The following CDH12 variants were observed in gnomAD, a reference collection of about 807,000 sequenced individuals.
CDH12 encodes the protein cadherin-12.
Under a neutral mutation model 74.1 loss-of-function variants are expected in CDH12, and 41 were observed. The ratio of observed to expected loss-of-function variants is 0.55; its 90% confidence interval spans 0.43 to 0.72. The LOEUF (loss-of-function observed/expected upper bound fraction) is 0.72, where lower values mean the gene tolerates loss of function less well. Among genes scored for constraint, CDH12 ranks in the 30% least tolerant of loss-of-function variants. The probability of loss-of-function intolerance (pLI) is 0.00; values close to 1 mark genes in which losing one functional copy is unlikely to be tolerated. For synonymous variants in CDH12, 399 were observed against 355.0 expected, an observed-to-expected ratio of 1.12 and a Z score of -1.39; for missense variants, 945 against 977.2, an observed-to-expected ratio of 0.97 and a Z score of 0.44.
At chr5:22,203,495 C>T (rs1751035879) in intron 4 of CDH12, among the ~76,000 whole-genome samples, 1 of 152,150 alleles carries the variant, frequency 6.6e-6, no homozygotes. Flanking sequence ...CACTCATCTG[C>T]TGATGGACAC....
At chr5:21,969,066 C>T (rs1756715186) in intron 6 of CDH12, among the ~76,000 whole-genome samples, 1 of 151,282 alleles carries the variant, frequency 6.6e-6, no homozygotes, top group Middle Eastern at 3.2e-3. Context: ...ATAGGTGCAG[C>T]AAACCACCCT....
intron 1 of CDH12, among the ~76,000 whole-genome samples, chr5:22,517,627 A>T (rs1056325871): frequency 6.6e-6 from 1 of 152,124 alleles, no homozygotes; most frequent in African/African-American, 2.4e-5. Flanking sequence ...TCTCTGGAGA[A>T]CTCTGACTAA....
intron 1 of CDH12, among the ~76,000 whole-genome samples, chr5:22,579,270 T>C (rs1378356049): frequency 2.0e-5 from 3 of 152,140 alleles, no homozygotes; most frequent in Non-Finnish European, 4.4e-5. Flanking sequence ...TAATGATAAA[T>C]TTTAAAAATG....
chr5:22,064,908 A>G (rs921456542), intron 5 of CDH12, among the ~76,000 whole-genome samples: 1 of 152,196 alleles, frequency 6.6e-6, no homozygotes, highest in Non-Finnish European at 1.5e-5. Context: ...AATACAAGAA[A>G]AATTGAGTTC....
chr5:22,516,511 G>A (rs557117485), intron 1 of CDH12, among the ~76,000 whole-genome samples: 1 of 152,070 alleles, frequency 6.6e-6, no homozygotes, highest in Non-Finnish European at 1.5e-5. Context: ...GTTAATAAAA[G>A]TGGCTGGGTG....
intron 3 of CDH12, among the ~76,000 whole-genome samples, chr5:22,354,906 AATCAC>A (rs1472339285): frequency 1.3e-5 from 2 of 152,312 alleles, no homozygotes; most frequent in East Asian, 3.9e-4. Flanking sequence ...ATGCAGGTTT[AATCAC>A]ATCACCATTT....
At chr5:22,163,312 AATAC>A (rs1748473742) in intron 4 of CDH12, among the ~76,000 whole-genome samples, 1 of 152,244 alleles carries the variant, frequency 6.6e-6, no homozygotes, top group Admixed American at 6.5e-5. Flanking sequence ...ACCACTTCCA[AATAC>A]ATATTTCCAG....
chr5:22,154,149 T>C (rs1457443743), intron 4 of CDH12, among the ~76,000 whole-genome samples: 3 of 150,472 alleles, frequency 2.0e-5, no homozygotes, highest in Non-Finnish European at 3.0e-5. Flanking sequence ...TACACTGTGA[T>C]GTTTTGATAT....
At chr5:22,473,221 A>G (rs1746039373) in intron 2 of CDH12, among the ~76,000 whole-genome samples, 1 of 152,076 alleles carries the variant, frequency 6.6e-6, no homozygotes, top group African/African-American at 2.4e-5. Context: ...TTTATTAAAA[A>G]GCCTTTCCCG....
At chr5:22,161,534 C>CATAATA (rs748601549) in intron 4 of CDH12, among the ~76,000 whole-genome samples, 4 of 151,120 alleles carry the variant, frequency 2.6e-5, no homozygotes, top group Non-Finnish European at 4.4e-5. Context: ...CTGTCTGTAT[C>CATAATA]ATAATAATAA....
intron 6 of CDH12, among the ~76,000 whole-genome samples, chr5:21,912,399 T>C (rs548397558): frequency 1.3e-5 from 2 of 152,114 alleles, no homozygotes; most frequent in East Asian, 1.9e-4. Context: ...AGTCCTTACA[T>C]AATGAGATTT....
intron 6 of CDH12, among the ~76,000 whole-genome samples, chr5:21,921,620 C>G (rs1316106279): frequency 6.6e-6 from 1 of 152,082 alleles, no homozygotes; most frequent in Non-Finnish European, 1.5e-5. Context: ...GGAGTCAGTC[C>G]AATGATCAGA....
intron 6 of CDH12, among the ~76,000 whole-genome samples, chr5:21,880,165 C>T (rs892344388): frequency 2.0e-5 from 3 of 152,150 alleles, no homozygotes; most frequent in East Asian, 1.9e-4. Flanking sequence ...GAGGGTTCAC[C>T]GACTTGGAAG....
At chr5:22,069,970 T>C (rs1269789199) in intron 5 of CDH12, among the ~76,000 whole-genome samples, 1 of 152,116 alleles carries the variant, frequency 6.6e-6, no homozygotes, top group Non-Finnish European at 1.5e-5. Context: ...GCAAAGGTAA[T>C]ACAAAATCAG....
chr5:22,777,601 T>G (rs185470956), intron 1 of CDH12, among the ~76,000 whole-genome samples: 19 of 152,128 alleles, frequency 1.2e-4, no homozygotes, highest in Admixed American at 1.2e-3. Context: ...GCTCTGTGTA[T>G]GTATGTGTGT....
intron 5 of CDH12, among the ~76,000 whole-genome samples, chr5:22,049,148 T>A (rs1317543417): frequency 6.6e-6 from 1 of 152,084 alleles, no homozygotes; most frequent in Non-Finnish European, 1.5e-5. Flanking sequence ...GGGTTAAAGA[T>A]CCCTGGCTGG....
intron 1 of CDH12, among the ~76,000 whole-genome samples, chr5:22,806,593 A>G (rs1266612361): frequency 6.6e-6 from 1 of 151,870 alleles, no homozygotes; most frequent in South Asian, 2.1e-4. Flanking sequence ...TGACCTCGTG[A>G]TCCGCCCGCC....
rs761850084 is a variant in CDH12, at chr5:21,942,334, GTATA to G, written c.526+32753_526+32756del. Reference sequence around the variant, plus strand: ...CTCCAGCCACTATGAGACAAATACAGTATATATATATATACACACACACACACAC... The same window carrying G: ...CTCCAGCCACTATGAGACAAATACAGTATATATATACACACACACACACAC... On this transcript the variant is annotated intron_variant, in intron 6 of 14. Coordinates refer to ENST00000382254, the MANE Select transcript of CDH12 (RefSeq NM_004061.5). Among the ~76,000 whole-genome samples the G allele has an allele frequency of 1.8e-4, 19 of 107,160 alleles. 1 individual carries two copies. The highest frequency in any genetic ancestry group is 9.0e-4 in the South Asian group (3 of 3,350). The allele number at this position is 107,160 out of a possible 152,430, so 70.3% of individuals were successfully genotyped here. A position where few individuals can be genotyped will look rare whatever the true frequency, so the allele number is the denominator to read the frequency against.
intron 3 of CDH12, among the ~76,000 whole-genome samples, chr5:22,296,376 T>C (rs888733151): frequency 1.3e-5 from 2 of 152,054 alleles, no homozygotes; most frequent in African/African-American, 4.8e-5. Context: ...TATGCTAATA[T>C]ATGTCTCTAG....
Sources: allele counts gnomAD v4.1 joint callset (sites outside exome capture counted in the v4.1 genomes callset), GRCh38; gene constraint gnomAD v4.1.1; transcripts MANE v1.5; gene names NCBI Gene and HGNC (gene_info 2026-07-23, HGNC 2026-07-21).